PAFAH2: variants seen among roughly 807,000 people sequenced by gnomAD.
PAFAH2 encodes platelet activating factor acetylhydrolase 2, also known as platelet-activating factor acetylhydrolase 2, cytoplasmic.
A neutral mutation model predicts 49.0 loss-of-function variants in PAFAH2; 42 were observed. The ratio of observed to expected loss-of-function variants is 0.86; its 90% CI spans 0.67 to 1.11. The LOEUF (loss-of-function observed/expected upper bound fraction) is 1.11, where lower values mean the gene tolerates loss of function less well. Ranked by LOEUF, PAFAH2 falls within the 50% of genes least tolerant of loss-of-function variation. PAFAH2 has a pLI of 0.00. For missense variants in PAFAH2, 503 were observed against 501.8 expected, an observed-to-expected ratio of 1.00 and a Z score of -0.02; for synonymous variants, 184 against 181.3, an observed-to-expected ratio of 1.01 and a Z score of -0.12.
chr1:25,993,216 T>G (rs1569584975), intron 1 of PAFAH2, among the ~76,000 whole-genome samples: 1 of 152,158 alleles, frequency 6.6e-6, no homozygotes, highest in South Asian at 2.1e-4. Flanking sequence ...ACCAAAAGCA[T>G]CTAAATGGAT....
intron 3 of PAFAH2, among the ~76,000 whole-genome samples, chr1:25,988,846 G>A (rs2049828639): frequency 6.7e-6 from 1 of 148,610 alleles, no homozygotes; most frequent in African/African-American, 2.5e-5. Context: ...AAAAGAAAAT[G>A]GGAAGCTAAG....
chr1:25,994,549 GCATT>G (rs1489279764), intron 1 of PAFAH2, among the ~76,000 whole-genome samples: 1 of 152,132 alleles, frequency 6.6e-6, no homozygotes, highest in East Asian at 1.9e-4. Context: ...ATGAAATAAT[GCATT>G]CAAAGCATCT....
intron 7 of PAFAH2, among the ~76,000 whole-genome samples, chr1:25,977,091 C>T (rs1466507017): frequency 3.6e-5 from 5 of 140,284 alleles, no homozygotes; most frequent in South Asian, 2.3e-4. Flanking sequence ...GGCGCGATCT[C>T]GGCTCACTGC....
chr1:25,960,971 A>G lies in PAFAH2; in HGVS notation c.*1018T>C, dbSNP rs951024701. 1.3e-5 allele frequency: 2 copies of G among 151,936 alleles called. No homozygotes were observed. The highest frequency in any genetic ancestry group is 4.8e-5 in the African/African-American group (2 of 41,336). The allele number at this position is 151,936 out of a possible 1,614,324, so 9.4% of individuals were successfully genotyped here. ...TAGGCGCCTGCCATTACGCCAGGCT[A>G]ATTTTTTGTATTTTTAGTAGAGACG... On this transcript the variant is annotated 3_prime_UTR_variant, in exon 11 of 11. Coordinates refer to ENST00000374282, the MANE Select transcript of PAFAH2 (RefSeq NM_000437.4).
At position 25,990,736 on chromosome 1, in the gene PAFAH2, C is replaced by T. The variant is rs758656750; in HGVS notation, c.81G>A (p.Gln27=). ...LVGCGDVMEG[Q]NLQGSFFRLF... Reference sequence around the variant, plus strand: ...AGCTGGGGACACTTACCTGGAGATTCTGACCCTCCATCACATCCCCACAGC... The same window carrying T: ...AGCTGGGGACACTTACCTGGAGATTTTGACCCTCCATCACATCCCCACAGC... Residue 27 remains glutamine (Q), a synonymous_variant, in exon 2 of 11, where the codon CAG becomes CAA. Transcript: ENST00000374282. The T allele has an allele frequency of 6.2e-7, 1 of 1,613,734 alleles. No individual in the cohort carries two copies. The highest frequency in any genetic ancestry group is 2.2e-5 in the East Asian group (1 of 44,876).
Position 25,989,580 on chromosome 1 carries a change from A to G in PAFAH2, c.112T>C (p.Tyr38His), listed in dbSNP as rs2049844141. The G allele has an allele frequency of 6.3e-7, 1 of 1,595,734 alleles. No homozygotes were observed. The highest frequency in any genetic ancestry group is 8.5e-7 in the Non-Finnish European group (1 of 1,171,570). The change falls in exon 3 of 11, where the codon TAC becomes CAC. Residue 38 changes from tyrosine to histidine, a missense_variant. Physicochemically the swap from Tyr to His is moderately conservative, Grantham distance 83. Coordinates refer to ENST00000374282, the MANE Select transcript of PAFAH2 (RefSeq NM_000437.4). Reference protein sequence around the residue: ...NLQGSFFRLFYPCQKAEETME... With the variant: ...NLQGSFFRLFHPCQKAEETME... The stretch of plus-strand genomic sequence containing the variant: ...GTCTCCTCTGCCTTTTGGCAGGGGT[A>G]GAAGAGTCGAAAGAAGCTCCCCTGT...
chr1:25,974,387 G>C (rs1161090429), intron 9 of PAFAH2, 93 bp downstream of exon 9: 1 of 1,033,706 alleles, frequency 9.7e-7, no homozygotes, highest in Non-Finnish European at 1.4e-6. Context: ...CCTACTAATG[G>C]GTAGAAAGTT....
intron 10 of PAFAH2, among the ~76,000 whole-genome samples, 158 bp downstream of exon 10, chr1:25,972,400 G>GT (rs2049522316): frequency 6.6e-6 from 1 of 151,962 alleles, no homozygotes; most frequent in South Asian, 2.1e-4. Flanking sequence ...ACCTGGACTT[G>GT]TTTTTTCTGT....
intron 10 of PAFAH2, among the ~76,000 whole-genome samples, chr1:25,971,151 T>C (rs2049503666): frequency 6.6e-6 from 1 of 152,136 alleles, no homozygotes; most frequent in African/African-American, 2.4e-5. Flanking sequence ...GAGATCTTGC[T>C]CTTAGGTTAG....
intron 7 of PAFAH2, among the ~76,000 whole-genome samples, chr1:25,980,443 C>A (rs2049667084): frequency 6.6e-6 from 1 of 151,632 alleles, no homozygotes; most frequent in African/African-American, 2.4e-5. Flanking sequence ...CTGCCTCAGC[C>A]TCCCAAGTAG....
chr1:25,969,368 C>T (rs1355483172), intron 10 of PAFAH2, among the ~76,000 whole-genome samples: 1 of 152,190 alleles, frequency 6.6e-6, no homozygotes, highest in Non-Finnish European at 1.5e-5. Context: ...TGTGGACAGT[C>T]TAAAGACTGA....
Position 25,976,768 on chromosome 1 carries a change from G to C in PAFAH2, c.672C>G (p.Asn224Lys). The change falls in exon 8 of 11, where the codon AAC (asparagine) becomes AAG (lysine). Residue 224 changes from asparagine to lysine, a missense_variant. Coordinates refer to ENST00000374282, the MANE Select transcript of PAFAH2 (RefSeq NM_000437.4). ...TCACAGCCACACGGCTCATGTCAATGTTGCCCTGAGGAAAGTGGAGAACTT... is the reference window on the plus strand; with the variant it reads ...TCACAGCCACACGGCTCATGTCAATCTTGCCCTGAGGAAAGTGGAGAACTT... ...GGLDLMTLKGNIDMSRVAVMG... is the reference protein window; with the variant it reads ...GGLDLMTLKGKIDMSRVAVMG... 1 of 1,613,734 alleles carries C rather than the reference G, an allele frequency of 6.2e-7. No individual in the cohort carries two copies. Among genetic ancestry groups the C allele is most frequent in the South Asian group, 1.1e-5 (1 of 91,074 alleles).
intron 4 of PAFAH2, among the ~76,000 whole-genome samples, chr1:25,987,122 C>G (rs1401526600): frequency 6.6e-6 from 1 of 151,540 alleles, no homozygotes; most frequent in Non-Finnish European, 1.5e-5. Context: ...GTAATCCCAG[C>G]TACTTGGAGG....
intron 7 of PAFAH2, among the ~76,000 whole-genome samples, chr1:25,979,537 G>C (rs543401889): frequency 1.3e-5 from 2 of 152,068 alleles, no homozygotes; most frequent in South Asian, 4.2e-4. Context: ...GCCCAGACTG[G>C]AGTGCAATGG....
At chr1:25,975,942 C>G (rs1229418350) in intron 8 of PAFAH2, among the ~76,000 whole-genome samples, 1 of 152,138 alleles carries the variant, frequency 6.6e-6, no homozygotes, top group Non-Finnish European at 1.5e-5. Context: ...CCCTGCTTCT[C>G]TCTCTGATCA....
In PAFAH2 at chr1:25,961,945, A is replaced by G; in HGVS notation, c.*44T>C. 1 of 1,506,204 alleles carries G rather than the reference A, an allele frequency of 6.6e-7. No homozygotes were observed. Among genetic ancestry groups the G allele is most frequent in the Non-Finnish European group, 9.2e-7 (1 of 1,084,116 alleles). 93.3% of individuals were successfully genotyped at this position (1,506,204 alleles called of 1,614,324 possible). On this transcript the variant is annotated 3_prime_UTR_variant, in exon 11 of 11. Coordinates refer to ENST00000374282, the MANE Select transcript of PAFAH2 (RefSeq NM_000437.4). ...CATGGGTGCCCTTGGGTAGCTCCCA[A>G]ATGAAAACTTGGCTGAAGTGACTTT...
chr1:25,978,767 G>T (rs1333792159), intron 7 of PAFAH2, among the ~76,000 whole-genome samples: 4 of 152,196 alleles, frequency 2.6e-5, no homozygotes, highest in Admixed American at 6.5e-5. Flanking sequence ...TCCCTGAGTT[G>T]CCTCTTACAC....
chr1:25,987,159 G>A (rs1050454336), intron 4 of PAFAH2, among the ~76,000 whole-genome samples: 4 of 151,312 alleles, frequency 2.6e-5, no homozygotes, highest in South Asian at 2.1e-4. Flanking sequence ...GCTTGAACCC[G>A]GAAGGCAAAG....
chr1:25,966,921 A>G lies in PAFAH2; in HGVS notation c.1085-4838T>C, dbSNP rs553340140. 4.6e-5 allele frequency among the ~76,000 whole-genome samples: 7 copies of G among 151,480 alleles called. No individual in the cohort carries two copies. In the South Asian group the frequency reaches 1.5e-3, roughly 32 times the overall value. On this transcript the variant is annotated intron_variant, in intron 10 of 10. Transcript: ENST00000374282. ...GTGGTGGGCGCCTGTAGTCCCAGCTACTCGGGAGGCTGAGGCAGGAGAATG... is the reference window on the plus strand; with the variant it reads ...GTGGTGGGCGCCTGTAGTCCCAGCTGCTCGGGAGGCTGAGGCAGGAGAATG...
Sources: allele counts gnomAD v4.1 joint callset (sites outside exome capture counted in the v4.1 genomes callset), GRCh38; gene constraint gnomAD v4.1.1; transcripts MANE v1.5; gene names NCBI Gene and HGNC (gene_info 2026-07-23, HGNC 2026-07-21).